KDM6A: variants seen among roughly 807,000 people sequenced by gnomAD.
KDM6A encodes lysine-specific demethylase 6A.
KDM6A carries 11 observed loss-of-function variants against 117.6 expected under a neutral mutation model. The observed-to-expected ratio is 0.09, with a 90% confidence interval of 0.06 to 0.15. The LOEUF is 0.15. Among genes scored for constraint, KDM6A ranks in the 10% least tolerant of loss-of-function variants. The pLI is 1.00. For synonymous variants in KDM6A, 384 were observed against 396.1 expected (o/e 0.97, Z 0.36); for missense variants, 799 against 1,077.3 (o/e 0.74, Z 3.62).
At chrX:44,873,844 G>T in intron 1 of KDM6A, 80 bp from the exon 2 acceptor site, 7 of 1,159,683 alleles carry the variant, frequency 6.0e-6, no homozygotes, top group Middle Eastern at 2.4e-4. Context: ...CGCCGCCTCC[G>T]CTGGGGCCTC....
At chrX:45,110,897 CAT>C (rs1244707577) in intron 29 of KDM6A, among the ~76,000 whole-genome samples, 1 of 111,992 alleles carries the variant, frequency 8.9e-6, no homozygotes, top group African/African-American at 3.2e-5. Context: ...GTCTCCCACA[CAT>C]ATGTGATCAG....
At chrX:44,933,048 C>T (rs1227871195) in intron 2 of KDM6A, among the ~76,000 whole-genome samples, 8 of 107,165 alleles carry the variant, frequency 7.5e-5, no homozygotes, top group East Asian at 2.9e-4. Flanking sequence ...CCACCACGTC[C>T]GGCTAATTTT....
rs191000252 is a variant in KDM6A at position 45,019,100 on chromosome X, C to T, written c.444-1510C>T. 8.1e-5 allele frequency among the ~76,000 whole-genome samples: 9 copies of T among 111,150 alleles called. No homozygotes were observed. In the East Asian group the frequency reaches 2.3e-3, roughly 28 times the overall value. ...TGCTGCAGTTGTCCTCGTCCTAACC[C>T]TTTTGATGCCTTTTCCAAACATGTG... On this transcript the variant is annotated intron_variant, in intron 5 of 29. Transcript: ENST00000611820.
intron 5 of KDM6A, among the ~76,000 whole-genome samples, chrX:45,016,222 C>T (rs1320349964): frequency 9.0e-6 from 1 of 111,091 alleles, no homozygotes; most frequent in East Asian, 2.8e-4. Flanking sequence ...CCTACCTGTC[C>T]CTTACTTCAT....
At position 45,111,358 on chromosome X, in the gene KDM6A, A is replaced by G. The variant is rs781762936; in HGVS notation, c.4333-24A>G. Reference sequence around the variant, plus strand: ...CTATTAACAATTTGTATATCAAAATAACCTACCTTACTTTTATTTTCAGGC... The same window carrying G: ...CTATTAACAATTTGTATATCAAAATGACCTACCTTACTTTTATTTTCAGGC... On this transcript the variant is annotated intron_variant, in intron 29 of 29. Coordinates refer to ENST00000611820, the MANE Select transcript of KDM6A (RefSeq NM_001291415.2). The G allele has an allele frequency of 4.3e-6, 5 of 1,160,849 alleles. No homozygotes were observed. The South Asian group carries it at 5.4e-5, about 12-fold the overall frequency.
intron 20 of KDM6A, among the ~76,000 whole-genome samples, chrX:45,078,724 G>A (rs1392424131): frequency 9.2e-6 from 1 of 109,152 alleles, no homozygotes; most frequent in East Asian, 2.8e-4. Context: ...ACTGGTTACT[G>A]ACAATTTGGT....
chrX:44,964,813 C>T (rs1352219468), intron 3 of KDM6A, among the ~76,000 whole-genome samples: 2 of 111,801 alleles, frequency 1.8e-5, no homozygotes, highest in Non-Finnish European at 3.8e-5. Context: ...TTAAAGGCAC[C>T]ACCAGCATTA....
chrX:45,037,538 C>T, intron 7 of KDM6A, 117 bp from the exon 8 acceptor site: 1 of 553,314 alleles, frequency 1.8e-6, no homozygotes, highest in Non-Finnish European at 3.1e-6. Flanking sequence ...TTTTCTATTA[C>T]TTAAATCTAT....
intron 2 of KDM6A, among the ~76,000 whole-genome samples, chrX:44,935,544 A>G (rs192504618): frequency 9.0e-6 from 1 of 111,282 alleles, no homozygotes; most frequent in East Asian, 2.8e-4. Flanking sequence ...AATTCTTACA[A>G]TAATCCTTTG....
intron 27 of KDM6A, among the ~76,000 whole-genome samples, chrX:45,100,227 G>A (rs1265402190): frequency 9.0e-6 from 1 of 111,460 alleles, no homozygotes; most frequent in African/African-American, 3.3e-5. Flanking sequence ...GGAATCAAGT[G>A]TTAGTGCAGG....
intron 2 of KDM6A, among the ~76,000 whole-genome samples, chrX:44,908,875 A>C (rs1385340116): frequency 9.0e-6 from 1 of 111,663 alleles, no homozygotes; most frequent in East Asian, 2.8e-4. Context: ...AACAGAGATA[A>C]CTCCATTTTC....
chrX:45,082,860 A>G (rs2045478115), intron 23 of KDM6A, 71 bp downstream of exon 23: 3 of 677,591 alleles, frequency 4.4e-6, no homozygotes, highest in African/African-American at 2.1e-5. Flanking sequence ...GGAATTCTCT[A>G]CAATTTCCTC....
chrX:45,040,851 G>A (rs2043120168), intron 8 of KDM6A, among the ~76,000 whole-genome samples: 2 of 85,358 alleles, frequency 2.3e-5, no homozygotes, highest in Non-Finnish European at 4.7e-5. Context: ...CCCGGACTGG[G>A]CGGCTGGCCG....
intron 8 of KDM6A, among the ~76,000 whole-genome samples, chrX:45,051,467 G>A (rs1372926972): frequency 8.9e-6 from 1 of 111,739 alleles, no homozygotes; most frequent in Admixed American, 9.5e-5. Context: ...ATTCTTAAAA[G>A]TCATACTTTA....
intron 6 of KDM6A, among the ~76,000 whole-genome samples, chrX:45,026,313 C>A (rs2042363751): frequency 9.0e-6 from 1 of 111,547 alleles, no homozygotes; most frequent in Non-Finnish European, 1.9e-5. Context: ...TCTTTAGGAA[C>A]TACTTCATTA....
chrX:44,929,858 T>A (rs898582725), intron 2 of KDM6A, among the ~76,000 whole-genome samples: 1 of 111,070 alleles, frequency 9.0e-6, no homozygotes, highest in Non-Finnish European at 1.9e-5. Flanking sequence ...AGCTCAGGGG[T>A]ACATGTACAG....
intron 15 of KDM6A, among the ~76,000 whole-genome samples, chrX:45,061,945 A>G (rs770859594): frequency 1.7e-4 from 19 of 109,095 alleles, no homozygotes; most frequent in African/African-American, 6.4e-4. Context: ...TACACTACAT[A>G]AAGTATAAAT....
At chrX:45,087,941 TATAC>T (rs2045714301) in intron 25 of KDM6A, among the ~76,000 whole-genome samples, 1 of 112,000 alleles carries the variant, frequency 8.9e-6, no homozygotes, top group Non-Finnish European at 1.9e-5. Flanking sequence ...ATAGTGACTG[TATAC>T]TGTATCTGTA....
At chrX:44,982,974 C>CTG (rs772767551) in intron 4 of KDM6A, among the ~76,000 whole-genome samples, 2 of 111,713 alleles carry the variant, frequency 1.8e-5, no homozygotes, top group East Asian at 5.6e-4. Flanking sequence ...TATTTAGAAC[C>CTG]TGTAAGGAAG....
Sources: gnomAD v4.1 joint callset for allele counts (sites outside exome capture counted in the v4.1 genomes callset) on GRCh38, gnomAD v4.1.1 for gene constraint, MANE v1.5 for transcripts, NCBI Gene and HGNC (gene_info 2026-07-23, HGNC 2026-07-21) for gene names.